The following KCNQ4 variants were observed in gnomAD, a reference collection of about 807,000 sequenced individuals.
KCNQ4 encodes potassium voltage-gated channel subfamily KQT member 4.
A neutral mutation model predicts 72.6 loss-of-function variants in KCNQ4; 31 were observed. The observed-to-expected ratio is 0.43, with a 90% CI of 0.32 to 0.58. The LOEUF is 0.58. KCNQ4 is among the 20% of genes least tolerant of loss of function. The probability of loss-of-function intolerance (pLI) is 0.08; values close to 1 mark genes in which losing one functional copy is unlikely to be tolerated. For synonymous variants in KCNQ4, 405 were observed against 403.7 expected (o/e 1.00, Z -0.04); for missense variants, 869 against 962.6 (o/e 0.90, Z 1.29).
At chr1:40,837,817 G>C in intron 13 of KCNQ4, 23 bp downstream of exon 13, 1 of 1,596,204 alleles carries the variant, frequency 6.3e-7, no homozygotes, top group Non-Finnish European at 8.5e-7. Context: ...TGGGGTGGCG[G>C]AGCTGGCCAT....
intron 1 of KCNQ4, among the ~76,000 whole-genome samples, chr1:40,813,486 C>T (rs976711256): frequency 3.3e-5 from 5 of 151,992 alleles, no homozygotes; most frequent in Non-Finnish European, 7.4e-5. Flanking sequence ...GAGCCTGAGC[C>T]CTGGGGGAGC....
chr1:40,822,351 C>A lies in KCNQ4; in HGVS notation c.1079C>A (p.Ala360Asp). ...WRLYSTDMSR[A>D]YLTATWYYYD... is the part of the protein sequence containing the mutation. ...CTGTACTCCACCGATATGAGCCGGG[C>A]CTACCTGACAGCCACCTGGTACTAC... The change falls in exon 8 of 14, where the codon GCC becomes GAC. Residue 360 changes from alanine to aspartate, a missense_variant. Physicochemically the swap from Ala to Asp is moderately radical, Grantham distance 126. Coordinates refer to ENST00000347132, the MANE Select transcript of KCNQ4 (RefSeq NM_004700.4). The A allele has an allele frequency of 6.2e-7, 1 of 1,613,024 alleles. No homozygotes were observed. Among genetic ancestry groups the A allele is most frequent in the Non-Finnish European group, 8.5e-7 (1 of 1,179,482 alleles).
At position 40,788,960 on chromosome 1, in the gene KCNQ4, C is replaced by T. The variant is rs1348203108; in HGVS notation, c.314+4553C>T. Among the ~76,000 whole-genome samples the T allele has an allele frequency of 6.6e-6, 1 of 152,240 alleles. No individual in the cohort carries two copies. Among genetic ancestry groups the T allele is most frequent in the Admixed American group, 6.5e-5 (1 of 15,292 alleles). On this transcript the variant is annotated intron_variant, in intron 1 of 13. Coordinates refer to ENST00000347132, the MANE Select transcript of KCNQ4 (RefSeq NM_004700.4). The surrounding 1 kb of genome is among the most constrained non-coding windows in gnomAD (Gnocchi z 4.5). Reference sequence around the variant, plus strand: ...TAGTTTACAGCTGCCCCTACCTTTTCCCTGACTTCACAGACACTCACCATG... The same window carrying T: ...TAGTTTACAGCTGCCCCTACCTTTTTCCTGACTTCACAGACACTCACCATG...
At chr1:40,815,059 G>A (rs182940200) in intron 1 of KCNQ4, among the ~76,000 whole-genome samples, 1 of 152,034 alleles carries the variant, frequency 6.6e-6, no homozygotes, top group Non-Finnish European at 1.5e-5. Context: ...GGCCAACATG[G>A]TGCAACCCCG....
intron 1 of KCNQ4, among the ~76,000 whole-genome samples, chr1:40,803,603 C>A (rs1250092549): frequency 6.6e-6 from 1 of 152,196 alleles, no homozygotes; most frequent in African/African-American, 2.4e-5. Context: ...CCCTCCCAAC[C>A]ACCCTTCCAC....
At position 40,788,563 on chromosome 1, in the gene KCNQ4, ACT is replaced by A. The variant is rs1647227433; in HGVS notation, c.314+4157_314+4158del. Among the ~76,000 whole-genome samples, 1 of 152,144 alleles carries A rather than the reference ACT, an allele frequency of 6.6e-6. No homozygotes were observed. The highest frequency in any genetic ancestry group is 1.5e-5 in the Non-Finnish European group (1 of 68,014). ...TCCTCCTCATTTGACAGATGGGGAA[ACT>A]GGGACTCAGCAGAGGCCACCCAGTT... On this transcript the variant is annotated intron_variant, in intron 1 of 13. Coordinates refer to ENST00000347132, the MANE Select transcript of KCNQ4 (RefSeq NM_004700.4). This position sits in a 1 kb window ranked among gnomAD's most constrained non-coding sequence, Gnocchi z 4.5.
intron 13 of KCNQ4, 52 bp downstream of exon 13, chr1:40,837,846 C>A (rs1445866978): frequency 3.2e-6 from 5 of 1,573,688 alleles, no homozygotes; most frequent in Non-Finnish European, 4.3e-6. Flanking sequence ...GCTCTGGGGG[C>A]CGCGGTGACA....
intron 12 of KCNQ4, 61 bp from the exon 13 acceptor site, chr1:40,837,604 A>G (rs866386649): frequency 1.3e-6 from 2 of 1,581,314 alleles, no homozygotes; most frequent in Non-Finnish European, 1.7e-6. Flanking sequence ...GCAACCTATA[A>G]TTCTTGTGGA....
intron 9 of KCNQ4, among the ~76,000 whole-genome samples, chr1:40,824,501 C>T (rs1293152613): frequency 6.6e-6 from 1 of 152,166 alleles, no homozygotes; most frequent in Non-Finnish European, 1.5e-5. Context: ...ATGTCCATGC[C>T]ATCCTTTCCC....
At chr1:40,818,784 G>A in intron 4 of KCNQ4, 104 bp downstream of exon 4, 1 of 1,330,256 alleles carries the variant, frequency 7.5e-7, no homozygotes, top group Non-Finnish European at 1.0e-6. Context: ...CTCCGTGCTG[G>A]GAAGGGGTGT....
At position 40,810,723 on chromosome 1, in the gene KCNQ4, G is replaced by T. The variant is rs554056010; in HGVS notation, c.315-6542G>T. On this transcript the variant is annotated intron_variant, in intron 1 of 13. Transcript: ENST00000347132. ...AGCTGGATCCAGGGACATCCCCAGA[G>T]AATCTGGAGCTGAGCTGATGGCCGA... is the stretch of plus-strand genomic sequence containing the variant. Among the ~76,000 whole-genome samples the T allele has an allele frequency of 4.6e-5, 7 of 152,276 alleles. No individual in the cohort carries two copies. In the East Asian group the frequency reaches 1.4e-3, roughly 29 times the overall value.
intron 1 of KCNQ4, among the ~76,000 whole-genome samples, chr1:40,806,120 C>T (rs1463774629): frequency 6.6e-6 from 1 of 152,218 alleles, no homozygotes; most frequent in African/African-American, 2.4e-5. Context: ...GGATTACAGG[C>T]GTGAGCCACC....
chr1:40,801,517 A>G (rs1647573855), intron 1 of KCNQ4, among the ~76,000 whole-genome samples: 1 of 152,156 alleles, frequency 6.6e-6, no homozygotes, highest in Non-Finnish European at 1.5e-5. Context: ...AGAACCTACA[A>G]TGCACCAGGC....
intron 13 of KCNQ4, 37 bp downstream of exon 13, chr1:40,837,831 A>G: frequency 6.3e-7 from 1 of 1,588,750 alleles, no homozygotes. Context: ...TGGCCATACC[A>G]AGAAGCTCTG....
In KCNQ4 at chr1:40,839,275, C is replaced by T. The variant is rs1451548114; in HGVS notation, c.*752C>T. 1 of 152,886 alleles carries T rather than the reference C, an allele frequency of 6.5e-6. No individual in the cohort carries two copies. Among genetic ancestry groups the T allele is most frequent in the Middle Eastern group, 3.1e-3 (1 of 326 alleles). 9.5% of individuals were successfully genotyped at this position (152,886 alleles called of 1,614,324 possible). A position where few individuals can be genotyped will look rare whatever the true frequency, so the allele number is the denominator to read the frequency against. On this transcript the variant is annotated 3_prime_UTR_variant, in exon 14 of 14. Coordinates refer to ENST00000347132, the MANE Select transcript of KCNQ4 (RefSeq NM_004700.4). ...TTGCAAGTGTCAGCTCCCAGGGGCT[C>T]CCTCCTCCTGCTGGGTGGCCACTCC...
At chr1:40,820,312 G>T in intron 7 of KCNQ4, 52 bp downstream of exon 7, 1 of 1,445,794 alleles carries the variant, frequency 6.9e-7, no homozygotes, top group Non-Finnish European at 9.5e-7. Flanking sequence ...TGACTGCACT[G>T]GTGTGTCAAC....
intron 1 of KCNQ4, among the ~76,000 whole-genome samples, chr1:40,811,442 C>T (rs1189220852): frequency 6.6e-6 from 1 of 152,184 alleles, no homozygotes; most frequent in Non-Finnish European, 1.5e-5. Context: ...TCACCAGGGA[C>T]CTTTGTAGAA....
Position 40,818,485 on chromosome 1 carries a change from C to T in KCNQ4, c.533-20C>T. The T allele has an allele frequency of 6.3e-7, 1 of 1,599,176 alleles. No homozygotes were observed. Among genetic ancestry groups the T allele is most frequent in the Non-Finnish European group, 8.5e-7 (1 of 1,179,620 alleles). On this transcript the variant is annotated intron_variant, in intron 3 of 13. Transcript: ENST00000347132. ...GCGCGGGGTAGGCTGGCTGTGATCT[C>T]GCCGCCCCCGCCCCTGCAGACTTCA...
Position 40,838,314 on chromosome 1 carries a change from C to T in KCNQ4, c.1879C>T (p.Gln627Ter), listed in dbSNP as rs1157394287. The T allele has an allele frequency of 6.2e-7, 1 of 1,613,258 alleles. No homozygotes were observed. The highest frequency in any genetic ancestry group is 8.5e-7 in the Non-Finnish European group (1 of 1,179,810). Residue 627 changes from glutamine to a stop codon, truncating the protein, a stop_gained, in exon 14 of 14, where the codon CAG becomes TAG. Coordinates refer to ENST00000347132, the MANE Select transcript of KCNQ4 (RefSeq NM_004700.4). LOFTEE classifies it high-confidence loss of function. ...GRVVKVEKQV[Q>*]SIEHKLDLLL... ...CCCAGCTGCGCCCCGTCCCCAGGTG[C>T]AGTCCATCGAGCACAAGCTGGACCT...
Sources: gnomAD v4.1 joint callset for allele counts (sites outside exome capture counted in the v4.1 genomes callset) on GRCh38, gnomAD v4.1.1 for gene constraint, Gnocchi (gnomAD v3.1) non-coding constraint, MANE v1.5 for transcripts, NCBI Gene and HGNC (gene_info 2026-07-23, HGNC 2026-07-21) for gene names.